Variants in AGO4 observed in about 807,000 individuals in gnomAD.
AGO4 encodes the protein argonaute RISC component 4.
Under a neutral mutation model 104.7 loss-of-function variants are expected in AGO4, and 33 were observed. The observed-to-expected ratio is 0.32, with a 90% confidence interval of 0.24 to 0.42. The LOEUF is 0.42. Ranked by LOEUF, AGO4 falls within the 10% of genes least tolerant of loss-of-function variation. The pLI is 1.00. For missense variants in AGO4, 711 were observed against 1,083.4 expected (o/e 0.66, Z 4.83); for synonymous variants, 331 against 364.7 (o/e 0.91, Z 1.05).
rs1644732647 is a variant in AGO4 at position 35,852,772 on chromosome 1, T to C, written c.2478-725T>C. Among the ~76,000 whole-genome samples, 3 of 152,228 alleles carry C rather than the reference T, an allele frequency of 2.0e-5. No individual in the cohort carries two copies. In the South Asian group the frequency reaches 6.2e-4, roughly 31 times the overall value. ...AAAAATATAGGATTCTGTTAAAGCATGTTCCAGGTGGCTCTGACCTGGACC... is the reference window on the plus strand; with the variant it reads ...AAAAATATAGGATTCTGTTAAAGCACGTTCCAGGTGGCTCTGACCTGGACC... On this transcript the variant is annotated intron_variant, in intron 17 of 17. Coordinates refer to ENST00000373210, the MANE Select transcript of AGO4 (RefSeq NM_017629.4).
intron 2 of AGO4, among the ~76,000 whole-genome samples, chr1:35,821,867 C>A (rs766940372): frequency 4.6e-5 from 7 of 151,722 alleles, no homozygotes; most frequent in African/African-American, 1.7e-4. Flanking sequence ...GATTCTCTTT[C>A]TCAAAACCAA....
intron 2 of AGO4, among the ~76,000 whole-genome samples, chr1:35,820,113 A>G (rs1452786305): frequency 6.6e-6 from 1 of 152,172 alleles, no homozygotes; most frequent in Admixed American, 6.6e-5. Context: ...AAGGAAGAAG[A>G]TGTTTTAAGT....
intron 11 of AGO4, 79 bp from the exon 12 acceptor site, chr1:35,833,911 G>A: frequency 1.7e-6 from 2 of 1,200,758 alleles, no homozygotes; most frequent in East Asian, 2.8e-5. Flanking sequence ...AAAACTGAAG[G>A]AAGTATTTCA....
chr1:35,825,488 C>G lies in AGO4; in HGVS notation c.482C>G (p.Ser161Cys), dbSNP rs144740654. The G allele has an allele frequency of 4.3e-6, 7 of 1,613,912 alleles. No homozygotes were observed. The highest frequency in any genetic ancestry group is 2.7e-5 in the African/African-American group (2 of 74,914). Residue 161 changes from serine (S) to cysteine (C), a missense_variant, in exon 4 of 18, where the codon TCC becomes TGC. This residue lies in a region of AGO4 where 308 missense variants were observed against 397.8 expected (regional missense o/e 0.77). Transcript: ENST00000373210. ...GATGTTATCACAAGACACCTTCCCT[C>G]CATGAGGTTAGTACCTTGGTTTGGA... ...ALDVITRHLP[S>C]MRYTPVGRSF... is the part of the protein sequence containing the mutation.
In AGO4 at chr1:35,826,718, T is replaced by C. The variant is rs369064814; in HGVS notation, c.761-30T>C. On this transcript the variant is annotated intron_variant, in intron 6 of 17. Coordinates refer to ENST00000373210, the MANE Select transcript of AGO4 (RefSeq NM_017629.4). ...TTTTGCCACTGTGATTTTAATTAAC[T>C]GATGTTTTGCCTTTTAAAAAAAATT... The C allele has an allele frequency of 3.2e-6, 5 of 1,565,194 alleles. No individual in the cohort carries two copies. The African/African-American group carries it at 6.8e-5, about 21-fold the overall frequency.
At chr1:35,849,830 A>G (rs1644659315) in intron 15 of AGO4, among the ~76,000 whole-genome samples, 1 of 152,152 alleles carries the variant, frequency 6.6e-6, no homozygotes, top group African/African-American at 2.4e-5. Context: ...TATCTATCTT[A>G]AATGTTAAAT....
Position 35,835,943 on chromosome 1 carries a change from G to A in AGO4, c.1674G>A (p.Lys558=). 1 of 1,614,030 alleles carries A rather than the reference G, an allele frequency of 6.2e-7. No homozygotes were observed. Among genetic ancestry groups the A allele is most frequent in the Non-Finnish European group, 8.5e-7 (1 of 1,179,982 alleles). The part of the protein sequence containing the change: ...SPQTLSNLCL[K]INAKLGGINN... ...AAACCCTTTCCAATCTTTGCCTGAA[G>A]ATAAATGCAAAACTTGGAGGAATTA... The change falls in exon 13 of 18, where the codon AAG becomes AAA. Residue 558 remains lysine, a synonymous_variant. Transcript: ENST00000373210.
intron 1 of AGO4, 60 bp from the exon 2 acceptor site, chr1:35,816,820 AAG>A: frequency 2.1e-6 from 3 of 1,447,336 alleles, no homozygotes; most frequent in South Asian, 1.5e-5. Flanking sequence ...AAAAAAAAAA[AAG>A]AAAGAAAGAA....
At chr1:35,821,642 G>A (rs552824627) in intron 2 of AGO4, among the ~76,000 whole-genome samples, 63 of 152,246 alleles carry the variant, frequency 4.1e-4, no homozygotes, top group Middle Eastern at 3.4e-3. Flanking sequence ...TAAAAACAAA[G>A]AAGCTATATT....
chr1:35,819,544 A>G (rs920742033), intron 2 of AGO4, among the ~76,000 whole-genome samples: 1 of 151,944 alleles, frequency 6.6e-6, no homozygotes, highest in Non-Finnish European at 1.5e-5. Context: ...CCTGGCTAAT[A>G]TGGTGAAACC....
intron 11 of AGO4, among the ~76,000 whole-genome samples, chr1:35,833,271 G>C (rs11263828): frequency 0.21 from 32,392 of 151,776 alleles, 5,494 homozygotes; most frequent in East Asian, 0.7. Context: ...GAGCAAGACT[G>C]CGTCTCAAAA....
chr1:35,830,687 TG>T (rs754563687), intron 7 of AGO4, among the ~76,000 whole-genome samples: 1 of 152,156 alleles, frequency 6.6e-6, no homozygotes, highest in African/African-American at 2.4e-5. Flanking sequence ...GATTAACTTT[TG>T]TTTTTTGGCT....
Position 35,817,643 on chromosome 1 carries a change from G to C in AGO4, c.185+596G>C, listed in dbSNP as rs79497590. 6.0e-3 allele frequency among the ~76,000 whole-genome samples: 910 copies of C among 152,262 alleles called. 12 individuals are homozygous for C. Among genetic ancestry groups the C allele is most frequent in the African/African-American group, 0.021 (865 of 41,534 alleles). ...GTAGCAAATATTCTTACAGTGTGCT[G>C]AGTATACATCCACTTTTGTTTTCTC... On this transcript the variant is annotated intron_variant, in intron 2 of 17. Transcript: ENST00000373210.
chr1:35,852,045 A>G (rs1376557016), intron 17 of AGO4, among the ~76,000 whole-genome samples: 2 of 152,204 alleles, frequency 1.3e-5, no homozygotes, highest in African/African-American at 4.8e-5. Context: ...CAAAAAAGAG[A>G]AAAGAATTTT....
Position 35,825,720 on chromosome 1 carries a change from GT to G in AGO4, c.532del (p.Tyr178ThrfsTer19). The G allele has an allele frequency of 6.3e-7, 1 of 1,584,904 alleles. No homozygotes were observed. The highest frequency in any genetic ancestry group is 1.2e-5 in the South Asian group (1 of 85,744). On this transcript the variant is annotated frameshift_variant, in exon 5 of 18. Transcript: ENST00000373210. LOFTEE classifies it high-confidence loss of function. The stretch of plus-strand genomic sequence containing the variant: ...CGTTCCTTTTTCTCACCCCCGGAAG[GT>G]TACTACCACCCTCTGGGAGGGGGCA... ...VGRSFFSPPE[G>X]YYHPLGGGRE...
At position 35,855,360 on chromosome 1, in the gene AGO4, A is replaced by G. The variant is rs1476427531; in HGVS notation, c.*1755A>G. 8 of 152,650 alleles carry G rather than the reference A, an allele frequency of 5.2e-5. No homozygotes were observed. The highest frequency in any genetic ancestry group is 7.3e-5 in the Non-Finnish European group (5 of 68,048). 9.5% of individuals were successfully genotyped at this position (152,650 alleles called of 1,614,324 possible). A position where few individuals can be genotyped will look rare whatever the true frequency, so the allele number is the denominator to read the frequency against. ...TGAGACGGTCCAAATCTCATAAACT[A>G]GCCTTCTCAAAATCCCAGCAATATA... On this transcript the variant is annotated 3_prime_UTR_variant, in exon 18 of 18. Coordinates refer to ENST00000373210, the MANE Select transcript of AGO4 (RefSeq NM_017629.4).
intron 15 of AGO4, among the ~76,000 whole-genome samples, chr1:35,843,222 T>C (rs1322288936): frequency 1.3e-5 from 2 of 152,056 alleles, no homozygotes; most frequent in Non-Finnish European, 2.9e-5. Context: ...CCCACCACCA[T>C]GCCCAGCTAA....
chr1:35,838,220 T>C lies in AGO4; in HGVS notation c.1724+2227T>C, dbSNP rs1644360699. Among the ~76,000 whole-genome samples, 4 of 152,256 alleles carry C rather than the reference T, an allele frequency of 2.6e-5. No individual in the cohort carries two copies. In the South Asian group the frequency reaches 6.2e-4, roughly 24 times the overall value. ...GGCTCATGCCACCATACTCGGCTAATTTTTGTATTTTTAGTAGAGACAGGG... is the reference window on the plus strand; with the variant it reads ...GGCTCATGCCACCATACTCGGCTAACTTTTGTATTTTTAGTAGAGACAGGG... On this transcript the variant is annotated intron_variant, in intron 13 of 17. Transcript: ENST00000373210.
chr1:35,853,460 T>C lies in AGO4; in HGVS notation c.2478-37T>C, dbSNP rs768812191. The C allele has an allele frequency of 6.1e-5, 95 of 1,553,426 alleles. 1 individual carries two copies. The highest frequency in any genetic ancestry group is 1.7e-4 in the Middle Eastern group (1 of 5,782). On this transcript the variant is annotated intron_variant, in intron 17 of 17. Transcript: ENST00000373210. ...TTGTTTTTGGTTTTTTGTTTGTTTGTTTTGCTTTGTTTTGTTTTGTTTTAT... is the reference window on the plus strand; with the variant it reads ...TTGTTTTTGGTTTTTTGTTTGTTTGCTTTGCTTTGTTTTGTTTTGTTTTAT...
Sources: gnomAD v4.1 joint callset for allele counts (sites outside exome capture counted in the v4.1 genomes callset) on GRCh38, gnomAD v4.1.1 for gene constraint, gnomAD v4.1.1 regional missense constraint, MANE v1.5 for transcripts, NCBI Gene and HGNC (gene_info 2026-07-23, HGNC 2026-07-21) for gene names.